The following FETUB variants were observed in gnomAD, a reference collection of about 807,000 sequenced individuals.
FETUB encodes the protein fetuin-B.
A neutral mutation model predicts 30.9 loss-of-function variants in FETUB; 28 were observed. The ratio of observed to expected loss-of-function variants is 0.90; its 90% CI spans 0.67 to 1.24. The LOEUF is 1.24. FETUB is among the 50% of genes most tolerant of loss of function. The probability of loss-of-function intolerance (pLI) is 0.00; values close to 1 mark genes in which losing one functional copy is unlikely to be tolerated. For synonymous variants in FETUB, 186 were observed against 175.9 expected (o/e 1.06, Z -0.45); for missense variants, 469 against 455.3 (o/e 1.03, Z -0.27).
At chr3:186,643,865 T>C (rs1717272310) in intron 3 of FETUB, among the ~76,000 whole-genome samples, 1 of 152,234 alleles carries the variant, frequency 6.6e-6, no homozygotes, top group Non-Finnish European at 1.5e-5. Flanking sequence ...CTTATTGACC[T>C]CAGCTCCTCC....
intron 1 of FETUB, 90 bp from the exon 2 acceptor site, chr3:186,640,940 C>G (rs754979283): frequency 4.9e-6 from 4 of 816,366 alleles, no homozygotes; most frequent in Non-Finnish European, 8.1e-6. Flanking sequence ...TATTCTTTGG[C>G]TTTGCCATAA....
intron 5 of FETUB, among the ~76,000 whole-genome samples, chr3:186,649,945 A>G (rs1717864959): frequency 6.6e-6 from 1 of 152,124 alleles, no homozygotes; most frequent in South Asian, 2.1e-4. Context: ...CTCCAGTTCC[A>G]TCCATGTTGA....
upstream of FETUB, among the ~76,000 whole-genome samples, chr3:186,638,322 T>G (rs934480879): frequency 6.6e-6 from 1 of 152,170 alleles, no homozygotes; most frequent in Admixed American, 6.5e-5. Flanking sequence ...CAAGTGTACC[T>G]GGGTTGGGCT....
chr3:186,646,000 C>T (rs892729514), intron 4 of FETUB, among the ~76,000 whole-genome samples: 2 of 152,202 alleles, frequency 1.3e-5, no homozygotes, highest in African/African-American at 4.8e-5. Context: ...GCTGGGATTA[C>T]AGGCGTAAGC....
At chr3:186,644,164 T>C (rs1717300382) in intron 3 of FETUB, among the ~76,000 whole-genome samples, 1 of 152,196 alleles carries the variant, frequency 6.6e-6, no homozygotes, top group Non-Finnish European at 1.5e-5. Flanking sequence ...AAATTTTATC[T>C]TATTGTTAAC....
Position 186,644,858 on chromosome 3 carries a change from T to C in FETUB, c.532T>C (p.Tyr178His). The change falls in exon 4 of 7, where the codon TAC (tyrosine) becomes CAC (histidine). Residue 178 changes from tyrosine to histidine, a missense_variant. By Grantham distance (83) the Tyr-to-His change is moderately conservative. Transcript: ENST00000265029. ...LEAATESLAKYNNENTSKQYS... is the reference protein window; with the variant it reads ...LEAATESLAKHNNENTSKQYS... ...GGCTGCCACCGAGTCTCTTGCGAAA[T>C]ACAACAATGAGAACACATCCAAGCA... is the stretch of plus-strand genomic sequence containing the variant. The C allele has an allele frequency of 6.2e-7, 1 of 1,613,894 alleles. No homozygotes were observed. The highest frequency in any genetic ancestry group is 8.5e-7 in the Non-Finnish European group (1 of 1,179,982).
At position 186,641,020 on chromosome 3, in the gene FETUB, C is replaced by T; in HGVS notation, c.226-10C>T. The T allele has an allele frequency of 6.3e-7, 1 of 1,576,006 alleles. No homozygotes were observed. Among genetic ancestry groups the T allele is most frequent in the Non-Finnish European group, 8.7e-7 (1 of 1,145,548 alleles). ...TGAAATGTATTGCATTTCTCTACCC[C>T]TTCCCACAGGGTGGCCTGGGATCTC... is the stretch of plus-strand genomic sequence containing the variant. On this transcript the variant is annotated splice_polypyrimidine_tract_variant and intron_variant, in intron 1 of 6. Coordinates refer to ENST00000265029, the MANE Select transcript of FETUB (RefSeq NM_014375.3).
At chr3:186,650,624 T>G (rs1273084357) in intron 5 of FETUB, among the ~76,000 whole-genome samples, 1 of 152,148 alleles carries the variant, frequency 6.6e-6, no homozygotes, top group Non-Finnish European at 1.5e-5. Flanking sequence ...GACTCTATTT[T>G]GTAGAAGAAA....
chr3:186,640,717 G>A, intron 1 of FETUB, 32 bp downstream of exon 1: 1 of 1,570,264 alleles, frequency 6.4e-7, no homozygotes, highest in Non-Finnish European at 8.8e-7. Flanking sequence ...TCTGGGGCAG[G>A]GATGTGGGCA....
chr3:186,648,393 A>G (rs80158672), intron 5 of FETUB, among the ~76,000 whole-genome samples: 2,235 of 152,308 alleles, frequency 0.015, 54 homozygotes, highest in African/African-American at 0.051. Context: ...ATACTATATA[A>G]CTTTGTAGTA....
Position 186,641,106 on chromosome 3 carries a change from G to A in FETUB, c.302G>A (p.Trp101Ter), listed in dbSNP as rs768623497. The A allele has an allele frequency of 6.2e-7, 1 of 1,613,616 alleles. No individual in the cohort carries two copies. The change falls in exon 2 of 7, where the codon TGG becomes TAG. Residue 101 changes from tryptophan to a stop codon, truncating the protein, a stop_gained. Coordinates refer to ENST00000265029, the MANE Select transcript of FETUB (RefSeq NM_014375.3). LOFTEE classifies it high-confidence loss of function. ...TGCCATGTGCTCAGAAAGAAGGCAT[G>A]GCAAGACTGTGGAATGAGGATATTT... ...TDCHVLRKKA[W>*]QDCGMRIFFE...
At chr3:186,640,908 G>C (rs1348920574) in intron 1 of FETUB, 122 bp from the exon 2 acceptor site, 4 of 704,238 alleles carry the variant, frequency 5.7e-6, no homozygotes, top group Non-Finnish European at 9.8e-6. Context: ...AGATTTAATG[G>C]TTTACGGGGA....
chr3:186,636,758 A>G (rs1173492569), upstream of FETUB, among the ~76,000 whole-genome samples: 1 of 152,224 alleles, frequency 6.6e-6, no homozygotes. Context: ...AAGGACATAG[A>G]AAGTAAACGA....
At chr3:186,646,501 A>C in intron 5 of FETUB, 152 bp downstream of exon 5, 1 of 639,206 alleles carries the variant, frequency 1.6e-6, no homozygotes, top group East Asian at 2.6e-5. Context: ...AGACAGATCC[A>C]GACTGCATTC....
chr3:186,649,417 T>C (rs6444152), intron 5 of FETUB, among the ~76,000 whole-genome samples: 2,570 of 152,250 alleles, frequency 0.017, 84 homozygotes, highest in African/African-American at 0.058. Context: ...GGGCTTTTAG[T>C]GTATCCATCA....
intron 5 of FETUB, 93 bp downstream of exon 5, chr3:186,646,442 C>A: frequency 1.1e-6 from 1 of 923,246 alleles, no homozygotes; most frequent in Non-Finnish European, 1.7e-6. Context: ...TGTCATAAGG[C>A]ATGAGATGCT....
chr3:186,651,638 C>T, intron 6 of FETUB: 1 of 312,026 alleles, frequency 3.2e-6, no homozygotes, highest in East Asian at 7.3e-5. Flanking sequence ...ATATTCAATC[C>T]CTTTCCAGAA....
At position 186,640,418 on chromosome 3, in the gene FETUB, C is replaced by A. The variant is rs373614113; in HGVS notation, c.-43C>A. 20 of 1,504,116 alleles carry A rather than the reference C, an allele frequency of 1.3e-5. No individual in the cohort carries two copies. Among genetic ancestry groups the A allele is most frequent in the Admixed American group, 1.7e-5 (1 of 59,714 alleles). The allele number at this position is 1,504,116 out of a possible 1,614,324, so 93.2% of individuals were successfully genotyped here. A position where few individuals can be genotyped will look rare whatever the true frequency, so the allele number is the denominator to read the frequency against. ...AGCCTTACAAGCCAGCCAGTCCCTG[C>A]AGCTCCACAAACTGACCCATCCTGG... On this transcript the variant is annotated 5_prime_UTR_variant, in exon 1 of 7. Transcript: ENST00000265029.
chr3:186,644,949 C>A (rs145489603), intron 4 of FETUB, 29 bp downstream of exon 4: 2 of 1,575,766 alleles, frequency 1.3e-6, no homozygotes, highest in Admixed American at 3.6e-5. Flanking sequence ...AAGCCAGTTA[C>A]ACAGTGTGTC....
Sources: allele counts gnomAD v4.1 joint callset (sites outside exome capture counted in the v4.1 genomes callset), GRCh38; gene constraint gnomAD v4.1.1; transcripts MANE v1.5; gene names NCBI Gene and HGNC (gene_info 2026-07-23, HGNC 2026-07-21).